Variants in GABRB2 observed in about 807,000 individuals in gnomAD.
GABRB2 encodes gamma-aminobutyric acid receptor subunit beta-2.
A neutral mutation model predicts 54.7 loss-of-function variants in GABRB2; 16 were observed. The observed-to-expected ratio is 0.29, with a 90% CI of 0.20 to 0.44. The LOEUF (loss-of-function observed/expected upper bound fraction) is 0.44, where lower values mean the gene tolerates loss of function less well. GABRB2 is among the 20% of genes least tolerant of loss of function. The pLI is 1.00. For missense variants in GABRB2, 355 were observed against 644.0 expected (o/e 0.55, Z 4.86); for synonymous variants, 244 against 233.8 (o/e 1.04, Z -0.40).
At chr5:161,350,769 A>T (rs944110231) in intron 5 of GABRB2, among the ~76,000 whole-genome samples, 2 of 152,084 alleles carry the variant, frequency 1.3e-5, no homozygotes, top group Admixed American at 1.3e-4. Context: ...GACTAGAATG[A>T]CTAAGTCTTC....
intron 9 of GABRB2, among the ~76,000 whole-genome samples, chr5:161,321,446 G>A (rs185924827): frequency 2.0e-5 from 3 of 152,026 alleles, no homozygotes; most frequent in East Asian, 1.9e-4. Context: ...TTAGTTCTAC[G>A]TGTTATCTTT....
chr5:161,526,859 A>G (rs968674929), intron 3 of GABRB2, among the ~76,000 whole-genome samples: 1 of 151,494 alleles, frequency 6.6e-6, no homozygotes, highest in Non-Finnish European at 1.5e-5. Context: ...ATTTTACCGA[A>G]GAACATAACA....
intron 9 of GABRB2, among the ~76,000 whole-genome samples, chr5:161,320,102 G>A (rs1287898256): frequency 6.6e-6 from 1 of 151,290 alleles, no homozygotes; most frequent in Non-Finnish European, 1.5e-5. Context: ...TTACTTGTGG[G>A]TTATTTTGAT....
intron 5 of GABRB2, among the ~76,000 whole-genome samples, chr5:161,399,872 C>T (rs1756130106): frequency 6.6e-6 from 1 of 152,060 alleles, no homozygotes; most frequent in South Asian, 2.1e-4. Context: ...TTTGTAAGTA[C>T]ACAGCACAAG....
At chr5:161,463,590 T>C (rs1255239662) in intron 3 of GABRB2, among the ~76,000 whole-genome samples, 8 of 112,768 alleles carry the variant, frequency 7.1e-5, no homozygotes, top group African/African-American at 2.5e-4. Flanking sequence ...TATATATATA[T>C]ATATATATAT....
intron 3 of GABRB2, among the ~76,000 whole-genome samples, chr5:161,503,853 T>A (rs1396757336): frequency 6.6e-6 from 1 of 151,796 alleles, no homozygotes; most frequent in Non-Finnish European, 1.5e-5. Flanking sequence ...CACACAGGTA[T>A]GAAAGAATGA....
At chr5:161,521,217 T>G (rs1261485413) in intron 3 of GABRB2, among the ~76,000 whole-genome samples, 2 of 151,922 alleles carry the variant, frequency 1.3e-5, no homozygotes, top group Admixed American at 1.3e-4. Context: ...AAGGAATATA[T>G]TTGGTGTTTG....
intron 3 of GABRB2, among the ~76,000 whole-genome samples, chr5:161,532,522 T>A (rs1760495054): frequency 6.6e-6 from 1 of 152,136 alleles, no homozygotes; most frequent in South Asian, 2.1e-4. Context: ...TAGACTCAGA[T>A]GATTATTGCA....
intron 4 of GABRB2, among the ~76,000 whole-genome samples, chr5:161,416,630 G>A (rs1395417349): frequency 6.9e-6 from 1 of 145,246 alleles, no homozygotes; most frequent in Non-Finnish European, 1.5e-5. Context: ...CCGGGAGGCG[G>A]AGCTTGCGGT....
intron 3 of GABRB2, among the ~76,000 whole-genome samples, chr5:161,539,780 G>A (rs937024234): frequency 1.3e-5 from 2 of 152,112 alleles, no homozygotes; most frequent in Non-Finnish European, 2.9e-5. Flanking sequence ...CCAATAAAGC[G>A]AGTCTCACAA....
chr5:161,498,320 T>C (rs1284486379), intron 3 of GABRB2, among the ~76,000 whole-genome samples: 1 of 149,274 alleles, frequency 6.7e-6, no homozygotes, highest in Non-Finnish European at 1.5e-5. Flanking sequence ...CTTTCGTTAA[T>C]GAAAAGTTGA....
At chr5:161,340,363 G>A (rs1201164097) in intron 5 of GABRB2, among the ~76,000 whole-genome samples, 11 of 152,004 alleles carry the variant, frequency 7.2e-5, no homozygotes, top group African/African-American at 2.7e-4. Context: ...TTGGGCTGGT[G>A]TTGGTTTATA....
At chr5:161,411,541 T>C (rs1201803045) in intron 4 of GABRB2, among the ~76,000 whole-genome samples, 1 of 152,216 alleles carries the variant, frequency 6.6e-6, no homozygotes, top group Non-Finnish European at 1.5e-5. Context: ...TGCAGTGCTT[T>C]AATATAACAC....
At chr5:161,403,883 T>G (rs1295397719) in intron 5 of GABRB2, among the ~76,000 whole-genome samples, 4 of 152,124 alleles carry the variant, frequency 2.6e-5, no homozygotes, top group Admixed American at 6.6e-5. Context: ...ATCTATTTAG[T>G]GCAAACCTCA....
chr5:161,421,619 A>G (rs1174288618), intron 4 of GABRB2, among the ~76,000 whole-genome samples: 1 of 152,130 alleles, frequency 6.6e-6, no homozygotes, highest in African/African-American at 2.4e-5. Context: ...AGAGCTTGTT[A>G]GAGGGTCCTT....
intron 5 of GABRB2, among the ~76,000 whole-genome samples, chr5:161,400,211 G>A (rs1233940236): frequency 2.0e-5 from 3 of 152,144 alleles, no homozygotes; most frequent in African/African-American, 7.2e-5. Context: ...AGGTGTGTGG[G>A]TGTATTTACG....
chr5:161,314,880 TTAAA>T (rs1228080900), intron 9 of GABRB2, among the ~76,000 whole-genome samples: 1 of 152,202 alleles, frequency 6.6e-6, no homozygotes, highest in African/African-American at 2.4e-5. Context: ...ACGAAATAAA[TTAAA>T]TGTTAATAAT....
At chr5:161,487,304 A>G (rs1401637327) in intron 3 of GABRB2, among the ~76,000 whole-genome samples, 1 of 151,892 alleles carries the variant, frequency 6.6e-6, no homozygotes, top group Non-Finnish European at 1.5e-5. Context: ...GACCTTCAAT[A>G]CTTTTCCCAA....
chr5:161,504,935 A>T (rs909370144), intron 3 of GABRB2, among the ~76,000 whole-genome samples: 11 of 152,128 alleles, frequency 7.2e-5, no homozygotes, highest in Admixed American at 3.9e-4. Flanking sequence ...GCCAATAACT[A>T]TGAAATATTA....
Sources: allele counts gnomAD v4.1 joint callset (sites outside exome capture counted in the v4.1 genomes callset), GRCh38; gene constraint gnomAD v4.1.1; transcripts MANE v1.5; gene names NCBI Gene and HGNC (gene_info 2026-07-23, HGNC 2026-07-21).